ARID5B: variants seen among roughly 807,000 people sequenced by gnomAD.
ARID5B encodes the protein AT-rich interaction domain 5B.
A neutral mutation model predicts 97.2 loss-of-function variants in ARID5B; 13 were observed. The observed-to-expected ratio is 0.13, with a 90% CI of 0.09 to 0.21. The LOEUF (loss-of-function observed/expected upper bound fraction) is 0.21, where lower values mean the gene tolerates loss of function less well. Among genes scored for constraint, ARID5B ranks in the 10% least tolerant of loss-of-function variants. The pLI, the probability that ARID5B is intolerant of heterozygous loss-of-function variation, is 1.00. For synonymous variants in ARID5B, 556 were observed against 570.3 expected (o/e 0.97, Z 0.36); for missense variants, 1,210 against 1,465.3 (o/e 0.83, Z 2.84).
chr10:61,950,286 G>A (rs1001357681), intron 3 of ARID5B, among the ~76,000 whole-genome samples: 10 of 152,174 alleles, frequency 6.6e-5, no homozygotes, highest in Non-Finnish European at 1.2e-4. Context: ...GATTATAGGC[G>A]TGAGCCACCA....
chr10:61,906,573 C>A (rs1843711785), intron 2 of ARID5B, among the ~76,000 whole-genome samples: 1 of 152,212 alleles, frequency 6.6e-6, no homozygotes, highest in South Asian at 2.1e-4. Flanking sequence ...TCCAACTGTG[C>A]TTGTGGATGG....
intron 4 of ARID5B, among the ~76,000 whole-genome samples, chr10:62,038,775 C>G (rs1289272746): frequency 6.6e-6 from 1 of 152,176 alleles, no homozygotes; most frequent in Non-Finnish European, 1.5e-5. Context: ...TTGGAGTAAA[C>G]TCTTTTGTTA....
chr10:62,040,587 T>C (rs1839624206), intron 4 of ARID5B, among the ~76,000 whole-genome samples: 1 of 152,126 alleles, frequency 6.6e-6, no homozygotes, highest in Admixed American at 6.5e-5. Flanking sequence ...AAAGATAATG[T>C]GAGCCACATG....
intron 2 of ARID5B, 135 bp downstream of exon 2, chr10:61,902,548 C>A (rs1843634364): frequency 2.4e-6 from 3 of 1,242,316 alleles, no homozygotes; most frequent in Non-Finnish European, 3.3e-6. Context: ...AAAGGGGTAG[C>A]GCCACTAGCT....
At chr10:62,067,847 T>A (rs1361194140) in intron 7 of ARID5B, among the ~76,000 whole-genome samples, 3 of 152,234 alleles carry the variant, frequency 2.0e-5, no homozygotes, top group Admixed American at 6.5e-5. Flanking sequence ...TTATATGATG[T>A]CATGGATGCG....
At chr10:62,022,243 T>G (rs1839365947) in intron 4 of ARID5B, among the ~76,000 whole-genome samples, 1 of 152,240 alleles carries the variant, frequency 6.6e-6, no homozygotes. Flanking sequence ...TGTGCGGATT[T>G]CCAGTTAAGG....
rs576507373 is a variant in ARID5B, at chr10:62,094,343, A to G, written c.*1313A>G. 8.7e-6 allele frequency: 2 copies of G among 230,408 alleles called. No individual in the cohort carries two copies. The highest frequency in any genetic ancestry group is 8.6e-6 in the Non-Finnish European group (1 of 116,246). 14.3% of individuals were successfully genotyped at this position (230,408 alleles called of 1,614,324 possible). ...ATAAGTAGTCATGTTGTTTTCATCC[A>G]GTTGGTTTCTTGTCATTCCCAAGAA... is the stretch of plus-strand genomic sequence containing the variant. On this transcript the variant is annotated 3_prime_UTR_variant, in exon 10 of 10. Transcript: ENST00000279873.
intron 8 of ARID5B, among the ~76,000 whole-genome samples, chr10:62,084,866 C>T (rs1032360070): frequency 2.0e-5 from 3 of 152,114 alleles, no homozygotes; most frequent in Admixed American, 6.5e-5. Flanking sequence ...AGTCTGTCTG[C>T]CTTCCTTCTC....
At chr10:61,913,289 A>C (rs1843841173) in intron 2 of ARID5B, among the ~76,000 whole-genome samples, 1 of 152,234 alleles carries the variant, frequency 6.6e-6, no homozygotes, top group Admixed American at 6.5e-5. Flanking sequence ...GGCTAGCTTA[A>C]AGTCCCTTGG....
intron 8 of ARID5B, among the ~76,000 whole-genome samples, chr10:62,077,093 C>CT (rs1193854904): frequency 6.6e-6 from 1 of 152,196 alleles, no homozygotes; most frequent in Non-Finnish European, 1.5e-5. Flanking sequence ...CAAGCTTGTT[C>CT]TTACAGGGCT....
At chr10:62,033,292 C>G (rs1414128797) in intron 4 of ARID5B, among the ~76,000 whole-genome samples, 1 of 152,194 alleles carries the variant, frequency 6.6e-6, no homozygotes, top group Non-Finnish European at 1.5e-5. Context: ...GTCTGTCACT[C>G]TCTCGCGTGC....
chr10:61,935,756 ACTC>A (rs1334511557), intron 2 of ARID5B, among the ~76,000 whole-genome samples: 1 of 152,226 alleles, frequency 6.6e-6, no homozygotes, highest in Non-Finnish European at 1.5e-5. Context: ...AGCAATATAA[ACTC>A]ATTATGTAAA....
intron 4 of ARID5B, among the ~76,000 whole-genome samples, chr10:62,016,460 A>G (rs1839285528): frequency 6.6e-6 from 1 of 152,248 alleles, no homozygotes; most frequent in Admixed American, 6.5e-5. Context: ...GATGCCACCA[A>G]TTCTGGAGAT....
intron 2 of ARID5B, among the ~76,000 whole-genome samples, chr10:61,920,767 A>G (rs1423286110): frequency 6.6e-6 from 1 of 152,164 alleles, no homozygotes; most frequent in African/African-American, 2.4e-5. Flanking sequence ...AATTCAATCA[A>G]TATTTATTAG....
chr10:61,927,534 T>C (rs1261173353), intron 2 of ARID5B, among the ~76,000 whole-genome samples: 1 of 152,162 alleles, frequency 6.6e-6, no homozygotes, highest in African/African-American at 2.4e-5. Flanking sequence ...ACACAGGCCT[T>C]GGCTCTTTGG....
At chr10:62,059,983 C>A (rs1839901845) in intron 7 of ARID5B, among the ~76,000 whole-genome samples, 1 of 152,022 alleles carries the variant, frequency 6.6e-6, no homozygotes, top group Non-Finnish European at 1.5e-5. Flanking sequence ...TAAATATAAC[C>A]CACAGAGATG....
intron 4 of ARID5B, among the ~76,000 whole-genome samples, chr10:62,042,862 C>T (rs1164512085): frequency 6.7e-6 from 1 of 149,236 alleles, no homozygotes; most frequent in Non-Finnish European, 1.5e-5. Context: ...ATGCAGTGAG[C>T]CAAGATCGCG....
chr10:61,973,137 T>C (rs1838652209), intron 3 of ARID5B, among the ~76,000 whole-genome samples: 1 of 152,200 alleles, frequency 6.6e-6, no homozygotes, highest in African/African-American at 2.4e-5. Flanking sequence ...AGGGCCTATA[T>C]TTGTATCAAG....
At chr10:61,955,507 G>A (rs1273490257) in intron 3 of ARID5B, among the ~76,000 whole-genome samples, 1 of 152,178 alleles carries the variant, frequency 6.6e-6, no homozygotes, top group East Asian at 1.9e-4. Context: ...TTTCACACAT[G>A]CATTTAGGAT....
Sources: allele counts gnomAD v4.1 joint callset (sites outside exome capture counted in the v4.1 genomes callset), GRCh38; gene constraint gnomAD v4.1.1; transcripts MANE v1.5; gene names NCBI Gene and HGNC (gene_info 2026-07-23, HGNC 2026-07-21).